The following MAN1A1 variants were observed in gnomAD, a reference collection of about 807,000 sequenced individuals.
The protein encoded by MAN1A1 is mannosyl-oligosaccharide 1,2-alpha-mannosidase IA.
MAN1A1 carries 29 observed loss-of-function variants against 70.8 expected under a neutral mutation model. That is an observed-to-expected ratio of 0.41 (90% CI 0.31 to 0.56). The LOEUF is 0.56. MAN1A1 is among the 20% of genes least tolerant of loss of function. The pLI is 0.29. For synonymous variants in MAN1A1, 349 were observed against 330.1 expected, an observed-to-expected ratio of 1.06 and a Z score of -0.62; for missense variants, 747 against 841.3, an observed-to-expected ratio of 0.89 and a Z score of 1.39.
At chr6:119,311,436 G>A (rs1312389582) in intron 2 of MAN1A1, among the ~76,000 whole-genome samples, 1 of 152,166 alleles carries the variant, frequency 6.6e-6, no homozygotes, top group Non-Finnish European at 1.5e-5. Context: ...TCCTCTCCAG[G>A]TGTAAGGCAA....
intron 5 of MAN1A1, among the ~76,000 whole-genome samples, chr6:119,259,405 T>C (rs1221635974): frequency 1.3e-5 from 2 of 152,238 alleles, no homozygotes; most frequent in Admixed American, 6.5e-5. Flanking sequence ...AGTAATAGTT[T>C]GCAAATTTAC....
chr6:119,219,120 T>C (rs1774286946), intron 6 of MAN1A1, among the ~76,000 whole-genome samples: 1 of 152,220 alleles, frequency 6.6e-6, no homozygotes, highest in African/African-American at 2.4e-5. Context: ...CTTACTGTAT[T>C]CTGAAGTTAA....
chr6:119,336,189 C>G (rs1268944290), intron 2 of MAN1A1, among the ~76,000 whole-genome samples: 3 of 152,184 alleles, frequency 2.0e-5, no homozygotes, highest in South Asian at 2.1e-4. Context: ...TCTGCCTCAG[C>G]CTCCCGAGTA....
intron 2 of MAN1A1, among the ~76,000 whole-genome samples, chr6:119,309,889 C>T (rs1441578873): frequency 6.6e-6 from 1 of 152,110 alleles, no homozygotes; most frequent in Non-Finnish European, 1.5e-5. Flanking sequence ...GTACTTTCTT[C>T]TTAATTGGCA....
intron 4 of MAN1A1, among the ~76,000 whole-genome samples, chr6:119,291,384 G>C (rs1439287635): frequency 6.6e-6 from 1 of 151,710 alleles, no homozygotes; most frequent in Non-Finnish European, 1.5e-5. Flanking sequence ...GTGTGAAAAC[G>C]GACTAATGCA....
At chr6:119,350,191 T>C (rs1029146345), upstream of MAN1A1, among the ~76,000 whole-genome samples, 1 of 151,996 alleles carries the variant, frequency 6.6e-6, no homozygotes, top group African/African-American at 2.4e-5. Flanking sequence ...TCGGGGGCGC[T>C]CCCGAGGGGG....
chr6:119,330,976 T>C (rs575500888), intron 2 of MAN1A1, among the ~76,000 whole-genome samples: 2 of 152,280 alleles, frequency 1.3e-5, no homozygotes, highest in South Asian at 4.1e-4. Flanking sequence ...GCAGTGGTGA[T>C]AATGGTCTTG....
At chr6:119,227,344 A>C (rs1774546092) in intron 6 of MAN1A1, among the ~76,000 whole-genome samples, 1 of 152,226 alleles carries the variant, frequency 6.6e-6, no homozygotes, top group Admixed American at 6.5e-5. Flanking sequence ...TGATTGTGGC[A>C]GTGTCTGCAC....
intron 5 of MAN1A1, among the ~76,000 whole-genome samples, chr6:119,282,722 A>G (rs73519345): frequency 2.8e-4 from 43 of 152,278 alleles, no homozygotes; most frequent in African/African-American, 9.4e-4. Context: ...CTAAGAAATC[A>G]AAGGGCCAAA....
intron 5 of MAN1A1, among the ~76,000 whole-genome samples, chr6:119,262,175 G>A (rs1775630954): frequency 6.6e-6 from 1 of 152,116 alleles, no homozygotes; most frequent in African/African-American, 2.4e-5. Context: ...AACAAATACA[G>A]CAACACACTG....
At chr6:119,345,194 G>A (rs371830655) in intron 2 of MAN1A1, among the ~76,000 whole-genome samples, 4 of 124,048 alleles carry the variant, frequency 3.2e-5, no homozygotes, top group African/African-American at 1.2e-4. Flanking sequence ...GAGGTTGAGG[G>A]GGGGGCGGAG....
At chr6:119,323,147 C>T (rs1773060513) in intron 2 of MAN1A1, among the ~76,000 whole-genome samples, 1 of 152,222 alleles carries the variant, frequency 6.6e-6, no homozygotes, top group Non-Finnish European at 1.5e-5. Context: ...TGTAGTTCTG[C>T]TGTAAGCTGC....
intron 5 of MAN1A1, among the ~76,000 whole-genome samples, chr6:119,280,614 A>G (rs1313423440): frequency 1.3e-5 from 2 of 152,230 alleles, no homozygotes; most frequent in African/African-American, 2.4e-5. Context: ...TTCTTGCTAC[A>G]GCTATCTTAT....
At chr6:119,251,288 C>G (rs1582736475) in intron 5 of MAN1A1, among the ~76,000 whole-genome samples, 2 of 152,278 alleles carry the variant, frequency 1.3e-5, no homozygotes, top group South Asian at 2.1e-4. Flanking sequence ...CAAATCTGCT[C>G]TACTAACGGT....
chr6:119,277,446 C>T (rs182684201), intron 5 of MAN1A1, among the ~76,000 whole-genome samples: 350 of 152,248 alleles, frequency 2.3e-3, no homozygotes, highest in Middle Eastern at 0.017. Context: ...ACCTAATTCC[C>T]AGACCATAAA....
chr6:119,331,192 C>T (rs1773300004), intron 2 of MAN1A1, among the ~76,000 whole-genome samples: 1 of 152,112 alleles, frequency 6.6e-6, no homozygotes, highest in Admixed American at 6.5e-5. Flanking sequence ...TAAACAGAGC[C>T]TTTGTTGTCA....
At chr6:119,220,875 A>G (rs1263288252) in intron 6 of MAN1A1, among the ~76,000 whole-genome samples, 2 of 152,208 alleles carry the variant, frequency 1.3e-5, no homozygotes, top group Non-Finnish European at 2.9e-5. Context: ...TCACCAATCT[A>G]TATTTATTTG....
intron 5 of MAN1A1, among the ~76,000 whole-genome samples, chr6:119,279,432 A>T (rs1776167103): frequency 6.6e-6 from 1 of 152,158 alleles, no homozygotes; most frequent in South Asian, 2.1e-4. Flanking sequence ...CTTGTACCTA[A>T]AGTGCCGAAC....
chr6:119,250,643 T>G (rs1226046397), intron 5 of MAN1A1, among the ~76,000 whole-genome samples: 2 of 87,274 alleles, frequency 2.3e-5, no homozygotes, highest in Non-Finnish European at 5.0e-5. Context: ...TCTCTTGTTC[T>G]CTCTCTGTGT....
Sources: gnomAD v4.1 joint callset for allele counts (sites outside exome capture counted in the v4.1 genomes callset) on GRCh38, gnomAD v4.1.1 for gene constraint, MANE v1.5 for transcripts, NCBI Gene and HGNC (gene_info 2026-07-23, HGNC 2026-07-21) for gene names.